Variants in PARL observed in about 807,000 individuals in gnomAD.
PARL encodes the protein presenilin associated rhomboid like.
In PARL, 44 loss-of-function variants were observed where a neutral mutation model predicts 51.6. The observed-to-expected ratio is 0.85, with a 90% CI of 0.67 to 1.10. The LOEUF (loss-of-function observed/expected upper bound fraction) is 1.10. Among genes scored for constraint, PARL ranks in the 50% least tolerant of loss-of-function variants. The pLI is 0.00. For missense variants in PARL, 441 were observed against 469.5 expected (o/e 0.94, Z 0.56); for synonymous variants, 172 against 164.0 (o/e 1.05, Z -0.37).
chr3:183,867,238 G>A (rs1732599492), intron 2 of PARL, among the ~76,000 whole-genome samples: 1 of 151,986 alleles, frequency 6.6e-6, no homozygotes, highest in Admixed American at 6.6e-5. Flanking sequence ...GTTTCCCATT[G>A]TATTAACTTC....
chr3:183,838,205 T>C (rs935451453), intron 7 of PARL, among the ~76,000 whole-genome samples: 1 of 151,994 alleles, frequency 6.6e-6, no homozygotes, highest in African/African-American at 2.4e-5. Flanking sequence ...TTTGAAATTT[T>C]TTGTAGAGAT....
intron 1 of PARL, among the ~76,000 whole-genome samples, chr3:183,876,191 C>T (rs916237092): frequency 1.3e-5 from 2 of 152,060 alleles, no homozygotes; most frequent in Admixed American, 6.6e-5. Flanking sequence ...GGATCACAGG[C>T]GCCTGCCATC....
At chr3:183,834,698 G>A (rs1340635391) in intron 7 of PARL, among the ~76,000 whole-genome samples, 1 of 151,928 alleles carries the variant, frequency 6.6e-6, no homozygotes, top group African/African-American at 2.4e-5. Context: ...TTAAATATGT[G>A]CAGTTTTTTG....
intron 7 of PARL, among the ~76,000 whole-genome samples, chr3:183,835,867 T>C (rs987370360): frequency 6.6e-6 from 1 of 151,598 alleles, no homozygotes; most frequent in Non-Finnish European, 1.5e-5. Flanking sequence ...AAATTACACG[T>C]TTCCCCAAAA....
chr3:183,848,848 T>C (rs1434193516), intron 4 of PARL, among the ~76,000 whole-genome samples: 1 of 152,156 alleles, frequency 6.6e-6, no homozygotes, highest in African/African-American at 2.4e-5. Flanking sequence ...AGCAGGGGAA[T>C]AAGATTTCCA....
rs753344975 is a variant in PARL, at chr3:183,862,767, T to TG, written c.496dup (p.Gln166ProfsTer99). The TG allele has an allele frequency of 4.3e-6, 7 of 1,613,614 alleles. No individual in the cohort carries two copies. Among genetic ancestry groups the TG allele is most frequent in the Non-Finnish European group, 5.1e-6 (6 of 1,179,490 alleles). ...CTAACACAAACCTGTCACAGTCCGC[T>TG]GGCCATCACTTAGGTTATTCCACCA... On this transcript the variant is annotated frameshift_variant, in exon 4 of 10. Coordinates refer to ENST00000317096, the MANE Select transcript of PARL (RefSeq NM_018622.7). LOFTEE classifies it high-confidence loss of function.
At chr3:183,849,675 A>G (rs970520761) in intron 4 of PARL, among the ~76,000 whole-genome samples, 5 of 152,156 alleles carry the variant, frequency 3.3e-5, no homozygotes, top group Admixed American at 3.3e-4. Context: ...AATAACAGAA[A>G]AATTAATAAA....
intron 9 of PARL, among the ~76,000 whole-genome samples, 177 bp from the exon 10 acceptor site, chr3:183,829,886 TAGA>T (rs1278892001): frequency 6.6e-6 from 1 of 152,162 alleles, no homozygotes; most frequent in Non-Finnish European, 1.5e-5. Context: ...ATGTAAAAGG[TAGA>T]AGTAGGATGG....
In PARL at chr3:183,867,910, G is replaced by A. The variant is rs1009407201; in HGVS notation, c.276C>T (p.Pro92=). ...PVEETVFYPS[P]YPIRSLIKPL... ...GTTTTATGAGACTCCTTATAGGATA[G>A]GGAGAAGGATAAAAGACTGTTTCTT... Residue 92 remains proline (P), a synonymous_variant, in exon 2 of 10, where the codon CCC becomes CCT. Coordinates refer to ENST00000317096, the MANE Select transcript of PARL (RefSeq NM_018622.7). The A allele has an allele frequency of 1.1e-5, 17 of 1,613,400 alleles. No homozygotes were observed. The Middle Eastern group carries it at 5.0e-4, about 47-fold the overall frequency.
chr3:183,882,222 A>ATATATATATATATATATATATATATTT (rs1553906018), intron 1 of PARL, among the ~76,000 whole-genome samples: 2 of 46,104 alleles, frequency 4.3e-5, no homozygotes, highest in African/African-American at 1.6e-4. Flanking sequence ...AAAAAAAAAA[A>ATATATATATATATATATATATATATTT]ATATATATAT....
At chr3:183,879,650 T>A (rs1465604005) in intron 1 of PARL, 1 of 580,508 alleles carries the variant, frequency 1.7e-6, no homozygotes, top group Non-Finnish European at 2.2e-6. Context: ...TGCTTTTAGA[T>A]GTAGTATGTT....
chr3:183,827,288 C>CA (rs1491546317), downstream of PARL, among the ~76,000 whole-genome samples: 4 of 145,874 alleles, frequency 2.7e-5, no homozygotes, highest in Admixed American at 6.6e-5. Flanking sequence ...CCTGTCTCTA[C>CA]AAAAAACTTT....
rs1362146118 is a variant in PARL, at chr3:183,882,233, ATATATATATATT to A, written c.125+2477_125+2488del. ...AAAAAAAAAAAAAAAATATATATAT[ATATATATATATT>A]TATATATATATATATATATATATTT... On this transcript the variant is annotated intron_variant, in intron 1 of 9. Transcript: ENST00000317096. Among the ~76,000 whole-genome samples, 19 of 23,730 alleles carry A rather than the reference ATATATATATATT, an allele frequency of 8.0e-4. 1 individual carries two copies. The highest frequency in any genetic ancestry group is 3.2e-3 in the East Asian group (2 of 632). 15.6% of individuals were successfully genotyped at this position (23,730 alleles called of 152,430 possible). A position where few individuals can be genotyped will look rare whatever the true frequency, so the allele number is the denominator to read the frequency against.
chr3:183,872,456 G>A (rs1360018240), intron 1 of PARL, among the ~76,000 whole-genome samples: 1 of 152,146 alleles, frequency 6.6e-6, no homozygotes, highest in Non-Finnish European at 1.5e-5. Context: ...TACAGAAAAA[G>A]CAGAAAAGGT....
chr3:183,884,666 C>T (rs980297023), intron 1 of PARL, 56 bp downstream of exon 1: 7 of 1,549,322 alleles, frequency 4.5e-6, no homozygotes, highest in Non-Finnish European at 6.1e-6. Flanking sequence ...CCCGAGGATA[C>T]ACGGCCAGAG....
At position 183,877,215 on chromosome 3, in the gene PARL, G is replaced by A. The variant is rs567506973; in HGVS notation, c.125+7507C>T. On this transcript the variant is annotated intron_variant, in intron 1 of 9. Coordinates refer to ENST00000317096, the MANE Select transcript of PARL (RefSeq NM_018622.7). ...GGTGACAGGAGTGAAACTCCATCTC[G>A]AAAAAAAAGAAAGAGCAAGAGAACT... Among the ~76,000 whole-genome samples, 5 of 151,778 alleles carry A rather than the reference G, an allele frequency of 3.3e-5. No individual in the cohort carries two copies. In the East Asian group the frequency reaches 7.7e-4, roughly 23 times the overall value.
intron 7 of PARL, among the ~76,000 whole-genome samples, chr3:183,839,961 T>A (rs1476057176): frequency 6.6e-6 from 1 of 150,632 alleles, no homozygotes; most frequent in African/African-American, 2.4e-5. Flanking sequence ...TTTCGAATTC[T>A]TGGGCTCATC....
intron 7 of PARL, among the ~76,000 whole-genome samples, chr3:183,837,000 C>G (rs912797255): frequency 6.6e-6 from 1 of 152,204 alleles, no homozygotes; most frequent in Admixed American, 6.5e-5. Context: ...CTCGGCCTCC[C>G]AAAGTGCTGG....
chr3:183,879,791 A>C, intron 1 of PARL: 1 of 508,754 alleles, frequency 2.0e-6, no homozygotes, highest in Non-Finnish European at 2.5e-6. Context: ...ATCTCAACTC[A>C]CTGCAACCTT....
Sources: allele counts gnomAD v4.1 joint callset (sites outside exome capture counted in the v4.1 genomes callset), GRCh38; gene constraint gnomAD v4.1.1; transcripts MANE v1.5; gene names NCBI Gene and HGNC (gene_info 2026-07-23, HGNC 2026-07-21).